POU3F3: variants seen among roughly 807,000 people sequenced by gnomAD.
POU3F3 encodes the protein POU domain, class 3, transcription factor 3.
POU3F3 carries 1 observed loss-of-function variant against 8.6 expected under a neutral mutation model. That is an observed-to-expected ratio of 0.12 (90% CI 0.04 to 0.55). The LOEUF (loss-of-function observed/expected upper bound fraction) is 0.55, where lower values mean the gene tolerates loss of function less well. Ranked by LOEUF, POU3F3 falls within the 20% of genes least tolerant of loss-of-function variation. The pLI, the probability that POU3F3 is intolerant of heterozygous loss-of-function variation, is 0.91. For missense variants in POU3F3, 577 were observed against 690.7 expected, an observed-to-expected ratio of 0.84 and a Z score of 1.84; for synonymous variants, 418 against 327.4, an observed-to-expected ratio of 1.28 and a Z score of -2.99.
chr2:104,884,905 T>C, the POU3F3 span, among the ~76,000 whole-genome samples: 3 of 151,958 alleles, frequency 2.0e-5, no homozygotes, highest in Non-Finnish European at 4.4e-5. Context: ...AAGTGTGGGG[T>C]CACTGAAAAC....
At chr2:104,890,790 AC>A in the POU3F3 span, among the ~76,000 whole-genome samples, 10 of 152,054 alleles carry the variant, frequency 6.6e-5, no homozygotes, top group Admixed American at 1.3e-4. Context: ...CACCTGTCCC[AC>A]CGCGGGCCAC....
At chr2:104,887,521 A>C in the POU3F3 span, among the ~76,000 whole-genome samples, 1 of 152,166 alleles carries the variant, frequency 6.6e-6, no homozygotes, top group African/African-American at 2.4e-5. Context: ...GAGGACTTTA[A>C]ACTTACCCTG....
the POU3F3 span, chr2:104,872,192 C>T: frequency 4.4e-6 from 2 of 454,604 alleles, no homozygotes; most frequent in Admixed American, 4.7e-5. This position sits in a 1 kb window ranked among gnomAD's most constrained non-coding sequence, Gnocchi z 4.6. Flanking sequence ...CGGCTGCGCC[C>T]TCCCTCTCCT....
chr2:104,902,975 T>C, the POU3F3 span, among the ~76,000 whole-genome samples: 1 of 152,222 alleles, frequency 6.6e-6, no homozygotes, highest in African/African-American at 2.4e-5. Flanking sequence ...AAATCTCTCA[T>C]TGTTATTAAT....
downstream of POU3F3, among the ~76,000 whole-genome samples, chr2:104,859,614 C>G (rs988264083): frequency 2.6e-5 from 4 of 152,154 alleles, no homozygotes; most frequent in African/African-American, 7.2e-5. Context: ...GTGAGAGCAA[C>G]AAGGCACAGT....
the POU3F3 span, among the ~76,000 whole-genome samples, chr2:104,864,293 G>A: frequency 6.6e-6 from 1 of 152,196 alleles, no homozygotes; most frequent in African/African-American, 2.4e-5. Flanking sequence ...AAGATCCCGG[G>A]ACAAAGGCGA....
the POU3F3 span, among the ~76,000 whole-genome samples, chr2:104,879,892 T>A: frequency 2.3e-4 from 35 of 152,058 alleles, no homozygotes; most frequent in African/African-American, 7.0e-4. Context: ...GTAACTTAAC[T>A]GAGAACTTCA....
chr2:104,917,991 C>T, the POU3F3 span, among the ~76,000 whole-genome samples: 1 of 152,180 alleles, frequency 6.6e-6, no homozygotes, highest in East Asian at 1.9e-4. Context: ...GCAAGACAAC[C>T]TGGAAATATG....
chr2:104,856,767 C>T lies in POU3F3; in HGVS notation c.1257C>T (p.Gly419=), dbSNP rs1573321023. 4.3e-6 allele frequency: 7 copies of T among 1,614,092 alleles called. No individual in the cohort carries two copies. Among genetic ancestry groups the T allele is most frequent in the Non-Finnish European group, 5.1e-6 (6 of 1,180,040 alleles). Residue 419 remains glycine (G), a synonymous_variant, in exon 1 of 1, where the codon GGC becomes GGT. Coordinates refer to ENST00000361360, the MANE Select transcript of POU3F3 (RefSeq NM_006236.3). The part of the protein sequence containing the change: ...KRTSIEVSVK[G]ALESHFLKCP... ...CCTCTATCGAGGTGAGCGTCAAGGG[C>T]GCGCTGGAGAGCCACTTCCTCAAGT... is the stretch of plus-strand genomic sequence containing the variant.
In POU3F3 at chr2:104,856,041, G is replaced by A; in HGVS notation, c.531G>A (p.Pro177=). 1 of 976,382 alleles carries A rather than the reference G, an allele frequency of 1.0e-6. No homozygotes were observed. Among genetic ancestry groups the A allele is most frequent in the Non-Finnish European group, 1.2e-6 (1 of 827,808 alleles). 60.5% of individuals were successfully genotyped at this position (976,382 alleles called of 1,614,324 possible). ...CGCCGCACCTCGGACCCCCGCCGCC[G>A]CCCCCACACCAGGGCCACCCTGGGG... ...RGPPHLGPPP[P]PPHQGHPGGW... is the part of the protein sequence containing the mutation. The change falls in exon 1 of 1, where the codon CCG becomes CCA. Residue 177 remains proline (P), a synonymous_variant. Coordinates refer to ENST00000361360, the MANE Select transcript of POU3F3 (RefSeq NM_006236.3).
the POU3F3 span, among the ~76,000 whole-genome samples, chr2:104,922,107 T>C: frequency 6.6e-6 from 1 of 152,152 alleles, no homozygotes; most frequent in Non-Finnish European, 1.5e-5. Flanking sequence ...TTATACCTCA[T>C]GCTAATCCCT....
At chr2:104,874,417 G>T in the POU3F3 span, among the ~76,000 whole-genome samples, 1 of 152,228 alleles carries the variant, frequency 6.6e-6, no homozygotes, top group Non-Finnish European at 1.5e-5. Flanking sequence ...TCGGGAACAT[G>T]CACTCCTGTT....
chr2:104,903,442 C>A, the POU3F3 span, among the ~76,000 whole-genome samples: 1 of 152,118 alleles, frequency 6.6e-6, no homozygotes, highest in African/African-American at 2.4e-5. Flanking sequence ...GACCTCAGTC[C>A]CATTTTCTTT....
chr2:104,886,200 C>T, the POU3F3 span, among the ~76,000 whole-genome samples: 19 of 152,030 alleles, frequency 1.2e-4, no homozygotes, highest in African/African-American at 4.6e-4. Context: ...GGGTCTGGAT[C>T]GGGACCCCTT....
At chr2:104,914,603 T>C in the POU3F3 span, among the ~76,000 whole-genome samples, 2 of 152,284 alleles carry the variant, frequency 1.3e-5, no homozygotes, top group African/African-American at 4.8e-5. Context: ...ATGGAGCCTG[T>C]CAGTGTCCGT....
the POU3F3 span, among the ~76,000 whole-genome samples, chr2:104,887,800 C>T: frequency 2.6e-5 from 4 of 152,298 alleles, no homozygotes; most frequent in East Asian, 5.8e-4. Context: ...AGGATGGATG[C>T]GTCCATGGTC....
Position 104,856,032 on chromosome 2 carries a change from C to G in POU3F3, c.522C>G (p.Pro174=). 1 of 988,056 alleles carries G rather than the reference C, an allele frequency of 1.0e-6. No individual in the cohort carries two copies. The highest frequency in any genetic ancestry group is 1.2e-6 in the Non-Finnish European group (1 of 834,328). 61.2% of individuals were successfully genotyped at this position (988,056 alleles called of 1,614,324 possible). A position where few individuals can be genotyped will look rare whatever the true frequency, so the allele number is the denominator to read the frequency against. Residue 174 remains proline (P), a synonymous_variant, in exon 1 of 1, where the codon CCC becomes CCG. Coordinates refer to ENST00000361360, the MANE Select transcript of POU3F3 (RefSeq NM_006236.3). ...LHHRGPPHLG[P]PPPPPHQGHP... ...ACCGCGGGCCGCCGCACCTCGGACC[C>G]CCGCCGCCGCCCCCACACCAGGGCC...
chr2:104,864,091 T>A, the POU3F3 span, among the ~76,000 whole-genome samples: 1 of 152,046 alleles, frequency 6.6e-6, no homozygotes, highest in African/African-American at 2.4e-5. Context: ...CCTGGCCCGG[T>A]GAGGGTCGCT....
chr2:104,926,141 A>G, the POU3F3 span: 1 of 152,374 alleles, frequency 6.6e-6, no homozygotes, highest in South Asian at 2.1e-4. Flanking sequence ...GCACAGCAAA[A>G]GAAACTCTCA....
Sources: gnomAD v4.1 joint callset for allele counts (sites outside exome capture counted in the v4.1 genomes callset) on GRCh38, gnomAD v4.1.1 for gene constraint, Gnocchi (gnomAD v3.1) non-coding constraint, MANE v1.5 for transcripts, NCBI Gene and HGNC (gene_info 2026-07-23, HGNC 2026-07-21) for gene names.